CCDC192: variants seen among roughly 807,000 people sequenced by gnomAD.
CCDC192 encodes coiled-coil domain containing 192.
intron 6 of CCDC192, among the ~76,000 whole-genome samples, chr5:127,906,007 G>C (rs569092990): frequency 6.6e-6 from 1 of 152,174 alleles, no homozygotes; most frequent in South Asian, 2.1e-4. Context: ...TTTTATAACT[G>C]TTTTTTTATT....
At chr5:127,758,063 A>G (rs1333062207) in intron 3 of CCDC192, among the ~76,000 whole-genome samples, 1 of 151,960 alleles carries the variant, frequency 6.6e-6, no homozygotes, top group East Asian at 2.0e-4. Flanking sequence ...GAAGCTTGCA[A>G]TATTATCAAA....
At chr5:127,832,948 T>A (rs1013330036) in intron 5 of CCDC192, among the ~76,000 whole-genome samples, 1 of 152,152 alleles carries the variant, frequency 6.6e-6, no homozygotes, top group African/African-American at 2.4e-5. Flanking sequence ...AATTATAATA[T>A]TCTCCTCTAA....
chr5:127,766,405 C>T (rs1755226278), intron 3 of CCDC192, among the ~76,000 whole-genome samples: 1 of 151,902 alleles, frequency 6.6e-6, no homozygotes, highest in African/African-American at 2.4e-5. Context: ...AATTCAATTT[C>T]CTCCCTAAGG....
chr5:127,720,851 T>C (rs79540548), intron 2 of CCDC192, among the ~76,000 whole-genome samples: 8,419 of 152,292 alleles, frequency 0.055, 537 homozygotes, highest in East Asian at 0.27. Flanking sequence ...TTGGGAACTT[T>C]AAGATACAGA....
intron 2 of CCDC192, among the ~76,000 whole-genome samples, chr5:127,712,438 C>T (rs990794814): frequency 3.3e-5 from 5 of 152,190 alleles, no homozygotes; most frequent in South Asian, 2.1e-4. Context: ...GTGTTGTCTC[C>T]TTGCTTCTTC....
chr5:127,902,618 C>A (rs189804096), intron 6 of CCDC192, among the ~76,000 whole-genome samples: 23 of 152,292 alleles, frequency 1.5e-4, no homozygotes, highest in Non-Finnish European at 2.5e-4. Context: ...GTTGGACTAG[C>A]CTTCAGCCTA....
chr5:127,890,036 T>C (rs1752687957), intron 6 of CCDC192, among the ~76,000 whole-genome samples: 1 of 152,156 alleles, frequency 6.6e-6, no homozygotes, highest in Non-Finnish European at 1.5e-5. Context: ...TTGTCTCCTA[T>C]GTGGTCTGAT....
intron 5 of CCDC192, among the ~76,000 whole-genome samples, chr5:127,866,157 G>C (rs1244400964): frequency 6.6e-6 from 1 of 152,004 alleles, no homozygotes; most frequent in Non-Finnish European, 1.5e-5. Flanking sequence ...ACGTGGTTAT[G>C]AGTACCCCAA....
At chr5:127,815,011 T>A (rs1443289793) in intron 5 of CCDC192, among the ~76,000 whole-genome samples, 2 of 152,308 alleles carry the variant, frequency 1.3e-5, no homozygotes, top group East Asian at 3.9e-4. Flanking sequence ...CAAAATATAA[T>A]TCTTTGCACC....
At chr5:127,730,282 G>C (rs1185671387) in intron 2 of CCDC192, among the ~76,000 whole-genome samples, 1 of 151,878 alleles carries the variant, frequency 6.6e-6, no homozygotes, top group Non-Finnish European at 1.5e-5. Context: ...GAAGAACTGG[G>C]TAAGTTCCTG....
chr5:127,797,612 T>C (rs1757229347), intron 4 of CCDC192, among the ~76,000 whole-genome samples: 2 of 151,250 alleles, frequency 1.3e-5, no homozygotes. Flanking sequence ...AATTACTTTA[T>C]AAGAAATGAT....
intron 5 of CCDC192, among the ~76,000 whole-genome samples, chr5:127,807,307 G>A (rs1331571344): frequency 6.6e-6 from 1 of 152,102 alleles, no homozygotes; most frequent in Non-Finnish European, 1.5e-5. Context: ...ACAATACTAG[G>A]AAGTTTATTA....
At position 127,762,831 on chromosome 5, in the gene CCDC192, T is replaced by G. The variant is rs114448166; in HGVS notation, c.222+8456T>G. On this transcript the variant is annotated intron_variant, in intron 3 of 6. Transcript: ENST00000514853. ...TTTCTTTGAGATGGTAAATGAACTT[T>G]CCCTTTGCTTATTGTCTACAAATAA... 2.3e-3 allele frequency among the ~76,000 whole-genome samples: 350 copies of G among 152,368 alleles called. 1 individual carries two copies. Among genetic ancestry groups the G allele is most frequent in the African/African-American group, 8.1e-3 (337 of 41,582 alleles).
intron 6 of CCDC192, among the ~76,000 whole-genome samples, chr5:127,880,427 G>T (rs1187127710): frequency 7.8e-6 from 1 of 128,744 alleles, no homozygotes; most frequent in Non-Finnish European, 1.6e-5. Flanking sequence ...ACAGGAAGGG[G>T]AATATCACAC....
intron 2 of CCDC192, among the ~76,000 whole-genome samples, chr5:127,726,119 G>T (rs1464351118): frequency 2.6e-5 from 4 of 151,780 alleles, no homozygotes; most frequent in Admixed American, 6.6e-5. Flanking sequence ...TTTATAAAAG[G>T]CTCAATGGAC....
chr5:127,842,467 C>T (rs1425541485), intron 5 of CCDC192, among the ~76,000 whole-genome samples: 2 of 152,150 alleles, frequency 1.3e-5, no homozygotes, highest in Non-Finnish European at 2.9e-5. Context: ...ATCCTCCCAC[C>T]TTGGCCTTCC....
chr5:127,780,805 C>T (rs1444606040), intron 3 of CCDC192, among the ~76,000 whole-genome samples: 1 of 152,128 alleles, frequency 6.6e-6, no homozygotes, highest in Admixed American at 6.5e-5. Flanking sequence ...TTCCTTTTGC[C>T]ATGCAAAAGC....
At chr5:127,897,743 G>A (rs576882229) in intron 6 of CCDC192, among the ~76,000 whole-genome samples, 3 of 152,080 alleles carry the variant, frequency 2.0e-5, no homozygotes, top group African/African-American at 7.2e-5. Context: ...TAGAATAGGT[G>A]TTCTAGTTTA....
intron 5 of CCDC192, among the ~76,000 whole-genome samples, chr5:127,852,447 AAC>A (rs1750840574): frequency 6.6e-6 from 1 of 152,122 alleles, no homozygotes; most frequent in Non-Finnish European, 1.5e-5. Flanking sequence ...TGTTATGTGA[AAC>A]ACACAGTCAC....
Sources: gnomAD v4.1 joint callset for allele counts (sites outside exome capture counted in the v4.1 genomes callset) on GRCh38, gnomAD v4.1.1 for gene constraint, MANE v1.5 for transcripts, NCBI Gene and HGNC (gene_info 2026-07-23, HGNC 2026-07-21) for gene names.